WDR49: variants seen among roughly 807,000 people sequenced by gnomAD.
The protein encoded by WDR49 is cilia- and flagella-associated protein 337.
A neutral mutation model predicts 119.5 loss-of-function variants in WDR49; 107 were observed. The observed-to-expected ratio is 0.90, with a 90% confidence interval of 0.77 to 1.05. The LOEUF is 1.05. Among genes scored for constraint, WDR49 ranks in the 50% least tolerant of loss-of-function variants. The pLI, the probability that WDR49 is intolerant of heterozygous loss-of-function variation, is 0.00. For missense variants in WDR49, 1,240 were observed against 1,220.5 expected (o/e 1.02, Z -0.24); for synonymous variants, 425 against 418.8 (o/e 1.01, Z -0.18).
In WDR49 at chr3:167,653,900, G is replaced by T. The variant is rs1386907955; in HGVS notation, c.-141C>A. 1.3e-5 allele frequency: 2 copies of T among 153,416 alleles called. No homozygotes were observed. Among genetic ancestry groups the T allele is most frequent in the Admixed American group, 6.5e-5 (1 of 15,490 alleles). 9.5% of individuals were successfully genotyped at this position (153,416 alleles called of 1,614,324 possible). The stretch of plus-strand genomic sequence containing the variant: ...TTGTCTGGAAGAGTTAGATGACAAA[G>T]CTGCAGAGTTTCCCTACCAATGAAG... On this transcript the variant is annotated 5_prime_UTR_variant, in exon 1 of 19. Transcript: ENST00000682715.
chr3:167,609,374 G>A (rs1380817604), intron 5 of WDR49, among the ~76,000 whole-genome samples: 2 of 152,256 alleles, frequency 1.3e-5, no homozygotes, highest in South Asian at 2.1e-4. Flanking sequence ...GGTGCTGAGA[G>A]CTTCTCTGGG....
At position 167,653,281 on chromosome 3, in the gene WDR49, T is replaced by C. The variant is rs1213110511; in HGVS notation, c.145A>G (p.Lys49Glu). 5 of 1,536,198 alleles carry C rather than the reference T, an allele frequency of 3.3e-6. No homozygotes were observed. Among genetic ancestry groups the C allele is most frequent in the East Asian group, 2.4e-5 (1 of 40,910 alleles). The change falls in exon 2 of 19, where the codon AAA becomes GAA. Residue 49 changes from lysine to glutamate, a missense_variant. Physicochemically the swap from Lys to Glu is moderately conservative, Grantham distance 56 (BLOSUM62 1). Coordinates refer to ENST00000682715, the MANE Select transcript of WDR49 (RefSeq NM_001366157.1). ...ENQLSVGDFV[K>E]IQKAFESPQP... Reference sequence around the variant, plus strand: ...CTTACCTCAAAGGCCTTCTGTATTTTTACAAAGTCACCCACGCTGAGTTGG... The same window carrying C: ...CTTACCTCAAAGGCCTTCTGTATTTCTACAAAGTCACCCACGCTGAGTTGG...
At chr3:167,550,288 A>G (rs1280909369) in intron 10 of WDR49, among the ~76,000 whole-genome samples, 1 of 152,146 alleles carries the variant, frequency 6.6e-6, no homozygotes, top group Non-Finnish European at 1.5e-5. Context: ...CTTGGGCAGT[A>G]TGGCCATTTT....
intron 15 of WDR49, among the ~76,000 whole-genome samples, chr3:167,523,908 A>C (rs1326068392): frequency 6.6e-6 from 1 of 152,188 alleles, no homozygotes; most frequent in Non-Finnish European, 1.5e-5. Context: ...CTGAGTATAT[A>C]TTCAGTAATG....
chr3:167,635,933 T>G (rs1717597514), intron 2 of WDR49, among the ~76,000 whole-genome samples: 2 of 151,732 alleles, frequency 1.3e-5, no homozygotes, highest in South Asian at 4.1e-4. Context: ...ATGCCAAACA[T>G]TATTCTAAGC....
At chr3:167,636,336 C>T (rs1440841366) in intron 2 of WDR49, among the ~76,000 whole-genome samples, 11 of 151,080 alleles carry the variant, frequency 7.3e-5, no homozygotes, top group Non-Finnish European at 1.6e-4. Context: ...TGTATATATA[C>T]GTATATATAT....
intron 10 of WDR49, among the ~76,000 whole-genome samples, chr3:167,552,326 A>C (rs1256926207): frequency 6.6e-6 from 1 of 152,048 alleles, no homozygotes; most frequent in Non-Finnish European, 1.5e-5. Flanking sequence ...AAGAAGTGAG[A>C]GGTGGGCATT....
intron 7 of WDR49, among the ~76,000 whole-genome samples, chr3:167,596,922 A>C (rs1424152667): frequency 1.3e-5 from 2 of 150,002 alleles, no homozygotes; most frequent in Non-Finnish European, 3.0e-5. Context: ...GCCATACTTT[A>C]CAATTTTCAT....
intron 7 of WDR49, among the ~76,000 whole-genome samples, chr3:167,596,229 G>T (rs1226058553): frequency 2.6e-5 from 4 of 151,858 alleles, no homozygotes; most frequent in Non-Finnish European, 5.9e-5. Context: ...AACAGGTGCT[G>T]GAGAGGATGT....
At chr3:167,492,617 T>G (rs900511705) in intron 18 of WDR49, among the ~76,000 whole-genome samples, 1 of 152,138 alleles carries the variant, frequency 6.6e-6, no homozygotes, top group Non-Finnish European at 1.5e-5. Flanking sequence ...CATTTAATGT[T>G]CACAGAAACA....
intron 3 of WDR49, among the ~76,000 whole-genome samples, chr3:167,621,915 A>T (rs1035652170): frequency 6.6e-6 from 1 of 152,098 alleles, no homozygotes; most frequent in African/African-American, 2.4e-5. Context: ...TCCATGGGAG[A>T]CTAGACCACT....
At chr3:167,523,210 A>T (rs1406989210) in intron 15 of WDR49, among the ~76,000 whole-genome samples, 6 of 152,160 alleles carry the variant, frequency 3.9e-5, no homozygotes, top group Non-Finnish European at 8.8e-5. Flanking sequence ...AGCCAGTCAA[A>T]TAATATCAAT....
At chr3:167,646,214 G>A (rs1320979119) in intron 2 of WDR49, among the ~76,000 whole-genome samples, 12 of 152,142 alleles carry the variant, frequency 7.9e-5, no homozygotes, top group Non-Finnish European at 1.8e-4. Flanking sequence ...TGAGAGGAGG[G>A]GAGTTGCACC....
chr3:167,574,390 A>T (rs1488482530), intron 8 of WDR49, among the ~76,000 whole-genome samples: 2 of 152,218 alleles, frequency 1.3e-5, no homozygotes, highest in Admixed American at 1.3e-4. Context: ...CATTTTTATA[A>T]TTATAAATGT....
chr3:167,524,883 A>G (rs1275005377), intron 15 of WDR49, among the ~76,000 whole-genome samples: 1 of 152,180 alleles, frequency 6.6e-6, no homozygotes, highest in Non-Finnish European at 1.5e-5. Flanking sequence ...TGTATTGGCA[A>G]CATGGGCTCT....
At chr3:167,598,164 G>A (rs1203119533) in intron 7 of WDR49, among the ~76,000 whole-genome samples, 1 of 152,008 alleles carries the variant, frequency 6.6e-6, no homozygotes, top group East Asian at 1.9e-4. Context: ...AATTAGCTGG[G>A]CATGGTGGCA....
At chr3:167,574,282 A>T (rs558272208) in intron 8 of WDR49, among the ~76,000 whole-genome samples, 1 of 152,314 alleles carries the variant, frequency 6.6e-6, no homozygotes, top group South Asian at 2.1e-4. Flanking sequence ...CACTTGTTCA[A>T]AACTGTGTTA....
intron 2 of WDR49, among the ~76,000 whole-genome samples, chr3:167,652,208 G>T (rs893057740): frequency 6.6e-5 from 10 of 152,172 alleles, no homozygotes; most frequent in Non-Finnish European, 1.2e-4. Context: ...AATATGATAA[G>T]TTCTATTATA....
chr3:167,565,412 C>CACAT (rs144511770), intron 8 of WDR49, among the ~76,000 whole-genome samples: 2,026 of 146,956 alleles, frequency 0.014, 39 homozygotes, highest in East Asian at 0.031. Flanking sequence ...CACACACACA[C>CACAT]TTATATGTAA....
Sources: allele counts gnomAD v4.1 joint callset (sites outside exome capture counted in the v4.1 genomes callset), GRCh38; gene constraint gnomAD v4.1.1; transcripts MANE v1.5; gene names NCBI Gene and HGNC (gene_info 2026-07-23, HGNC 2026-07-21).